Variants in LRRC4C observed in about 807,000 individuals in gnomAD.
The protein encoded by LRRC4C is leucine-rich repeat-containing protein 4C.
Under a neutral mutation model 33.6 loss-of-function variants are expected in LRRC4C, and 5 were observed. The observed-to-expected ratio is 0.15, with a 90% CI of 0.08 to 0.31. The LOEUF is 0.31. LRRC4C is among the 10% of genes least tolerant of loss of function. The pLI is 1.00. For synonymous variants in LRRC4C, 329 were observed against 302.0 expected (o/e 1.09, Z -0.93); for missense variants, 560 against 796.7 (o/e 0.70, Z 3.58).
chr11:40,782,575 T>C (rs1950256986), intron 2 of LRRC4C, among the ~76,000 whole-genome samples: 1 of 152,184 alleles, frequency 6.6e-6, no homozygotes, highest in South Asian at 2.1e-4. Flanking sequence ...TAGAGTTTCC[T>C]ATTGTAATTA....
intron 1 of LRRC4C, among the ~76,000 whole-genome samples, chr11:41,028,506 T>C (rs1856523047): frequency 6.6e-6 from 1 of 151,462 alleles, no homozygotes; most frequent in Non-Finnish European, 1.5e-5. Context: ...CTCTCTCACT[T>C]AAATTTATTC....
intron 1 of LRRC4C, among the ~76,000 whole-genome samples, chr11:41,089,594 TA>T (rs5791420): frequency 0.04 from 6,050 of 149,780 alleles, 417 homozygotes; most frequent in African/African-American, 0.14. Flanking sequence ...ATAATTTTTG[TA>T]AAAAAAAAAT....
In LRRC4C at chr11:40,322,268, C is replaced by CA. The variant is rs533981498; in HGVS notation, c.-269-2548dup. On this transcript the variant is annotated intron_variant, in intron 3 of 6. Coordinates refer to ENST00000528697, the MANE Select transcript of LRRC4C (RefSeq NM_001258419.2). ...GAAATTCACTTTTTTTTTTCTGAGA[C>CA]AGAGTCTTACTCTGTCACTCAGGCT... 1.2e-3 allele frequency among the ~76,000 whole-genome samples: 187 copies of CA among 151,874 alleles called. 1 individual carries two copies. The highest frequency in any genetic ancestry group is 4.3e-3 in the African/African-American group (176 of 41,406).
chr11:40,770,748 A>G (rs1377377310), intron 2 of LRRC4C, among the ~76,000 whole-genome samples: 2 of 152,198 alleles, frequency 1.3e-5, no homozygotes, highest in Non-Finnish European at 2.9e-5. Context: ...AAGGGGCTAC[A>G]GGCCCCATGC....
At chr11:41,362,190 T>G (rs192909553) in intron 1 of LRRC4C, among the ~76,000 whole-genome samples, 1 of 152,108 alleles carries the variant, frequency 6.6e-6, no homozygotes, top group Non-Finnish European at 1.5e-5. Flanking sequence ...ACTTGCAAAT[T>G]CAAGATCTCA....
chr11:40,235,105 A>G (rs909869595), intron 5 of LRRC4C, among the ~76,000 whole-genome samples: 5 of 152,204 alleles, frequency 3.3e-5, no homozygotes, highest in African/African-American at 1.2e-4. Context: ...TTTAAGCAGC[A>G]ATTTCCTTAG....
chr11:40,121,232 T>C (rs1474659305), intron 6 of LRRC4C, among the ~76,000 whole-genome samples: 1 of 152,182 alleles, frequency 6.6e-6, no homozygotes, highest in Non-Finnish European at 1.5e-5. Context: ...TTTCTTACTC[T>C]CCGGGCTGAG....
chr11:40,964,046 A>G (rs968480501), intron 1 of LRRC4C, among the ~76,000 whole-genome samples: 46 of 151,612 alleles, frequency 3.0e-4, no homozygotes, highest in Admixed American at 2.5e-3. Context: ...CCACCTGCCA[A>G]TAAGAGCTCT....
intron 1 of LRRC4C, among the ~76,000 whole-genome samples, chr11:41,424,756 GAAGA>G (rs1397830022): frequency 1.3e-5 from 2 of 152,080 alleles, no homozygotes; most frequent in African/African-American, 2.4e-5. Context: ...CGAAAACCCT[GAAGA>G]AAGGTCAAAA....
chr11:40,722,141 G>T (rs188137187), intron 2 of LRRC4C, among the ~76,000 whole-genome samples: 1 of 152,158 alleles, frequency 6.6e-6, no homozygotes, highest in South Asian at 2.1e-4. Context: ...GTGTGCACTT[G>T]TATGTATGTG....
chr11:40,285,324 G>A (rs1180033411), intron 4 of LRRC4C, among the ~76,000 whole-genome samples: 1 of 152,126 alleles, frequency 6.6e-6, no homozygotes, highest in African/African-American at 2.4e-5. Flanking sequence ...AGTGATCAAT[G>A]AGGAGTGCCT....
chr11:40,850,045 GT>G (rs1175074522), intron 2 of LRRC4C, among the ~76,000 whole-genome samples: 1 of 151,670 alleles, frequency 6.6e-6, no homozygotes, highest in Non-Finnish European at 1.5e-5. Flanking sequence ...TTTTATCAAG[GT>G]TCTTAGCTTC....
intron 2 of LRRC4C, among the ~76,000 whole-genome samples, chr11:40,741,421 A>C (rs1948152915): frequency 6.6e-6 from 1 of 152,054 alleles, no homozygotes; most frequent in Admixed American, 6.6e-5. Flanking sequence ...AGTCCACTGG[A>C]TGCCTGAACA....
At chr11:40,336,930 T>C (rs1475399694) in intron 3 of LRRC4C, among the ~76,000 whole-genome samples, 4 of 131,504 alleles carry the variant, frequency 3.0e-5, no homozygotes, top group African/African-American at 9.3e-5. Context: ...TGAGCCGAGA[T>C]TGCACCACTG....
At chr11:41,157,966 G>T (rs911648472) in intron 1 of LRRC4C, among the ~76,000 whole-genome samples, 1 of 151,768 alleles carries the variant, frequency 6.6e-6, no homozygotes, top group Non-Finnish European at 1.5e-5. Context: ...TCACTCTGTT[G>T]TGCTACCAAA....
chr11:41,179,600 A>G (rs919477065), intron 1 of LRRC4C, among the ~76,000 whole-genome samples: 1 of 152,216 alleles, frequency 6.6e-6, no homozygotes, highest in Admixed American at 6.5e-5. Flanking sequence ...AATCTGACAG[A>G]CTTAGTCTTT....
intron 1 of LRRC4C, among the ~76,000 whole-genome samples, chr11:41,297,663 C>T (rs546271452): frequency 5.9e-5 from 9 of 152,260 alleles, no homozygotes; most frequent in African/African-American, 2.2e-4. Flanking sequence ...AAAATACTCT[C>T]TGCCTGTTTA....
chr11:40,705,348 C>G (rs1367340653), intron 2 of LRRC4C, among the ~76,000 whole-genome samples: 1 of 151,824 alleles, frequency 6.6e-6, no homozygotes, highest in African/African-American at 2.4e-5. Context: ...CAACGCTATC[C>G]CTCCCCCATC....
intron 1 of LRRC4C, among the ~76,000 whole-genome samples, chr11:40,973,540 G>A (rs769312849): frequency 9.9e-5 from 15 of 152,136 alleles, no homozygotes; most frequent in Non-Finnish European, 1.8e-4. Flanking sequence ...AATAGATGTG[G>A]AGAGGGAGAA....
Sources: gnomAD v4.1 joint callset for allele counts (sites outside exome capture counted in the v4.1 genomes callset) on GRCh38, gnomAD v4.1.1 for gene constraint, MANE v1.5 for transcripts, NCBI Gene and HGNC (gene_info 2026-07-23, HGNC 2026-07-21) for gene names.